RBBP4: variants seen among roughly 807,000 people sequenced by gnomAD.
The protein encoded by RBBP4 is RB binding protein 4, chromatin remodeling factor, also known as histone-binding protein RBBP4.
In RBBP4, 3 loss-of-function variants were observed where a neutral mutation model predicts 57.2. The observed-to-expected ratio is 0.05, with a 90% CI of 0.02 to 0.14. RBBP4 has a LOEUF of 0.14. RBBP4 is among the 10% of genes least tolerant of loss of function. The probability of loss-of-function intolerance (pLI) is 1.00; values close to 1 mark genes in which losing one functional copy is unlikely to be tolerated. For synonymous variants in RBBP4, 151 were observed against 171.5 expected (o/e 0.88, Z 0.93); for missense variants, 107 against 520.6 (o/e 0.21, Z 7.73).
intron 11 of RBBP4, among the ~76,000 whole-genome samples, chr1:32,676,214 A>T (rs1186027547): frequency 6.6e-6 from 1 of 152,172 alleles, no homozygotes; most frequent in Non-Finnish European, 1.5e-5. Context: ...GGGTTATAAG[A>T]TATTCATGAC....
intron 3 of RBBP4, among the ~76,000 whole-genome samples, chr1:32,662,996 A>C (rs1648490758): frequency 1.3e-5 from 2 of 152,102 alleles, no homozygotes; most frequent in Admixed American, 1.3e-4. Context: ...AAAAAACATA[A>C]AAATAAATAA....
intron 9 of RBBP4, 33 bp from the exon 10 acceptor site, chr1:32,672,609 G>A: frequency 6.2e-7 from 1 of 1,609,944 alleles, no homozygotes; most frequent in South Asian, 1.1e-5. Context: ...GGGTAAATCT[G>A]TTTTAACTTT....
Position 32,658,051 on chromosome 1 carries a change from C to T in RBBP4, c.310+479C>T, listed in dbSNP as rs422045. On this transcript the variant is annotated intron_variant, in intron 3 of 11. Transcript: ENST00000373493. ...TATTTTTAGTGGAGACAGGGTTTCA[C>T]CAAGTTGGCCAGGCTGGTCTTGAAC... 8.8e-3 allele frequency among the ~76,000 whole-genome samples: 1,341 copies of T among 152,116 alleles called. 19 individuals are homozygous for T. Among genetic ancestry groups the T allele is most frequent in the African/African-American group, 0.03 (1,259 of 41,490 alleles).
intron 2 of RBBP4, among the ~76,000 whole-genome samples, chr1:32,655,267 G>A (rs768765644): frequency 3.7e-4 from 57 of 152,050 alleles, no homozygotes; most frequent in Non-Finnish European, 6.5e-4. Flanking sequence ...ATGAGCCACC[G>A]TGCCTGGCCC....
intron 3 of RBBP4, among the ~76,000 whole-genome samples, chr1:32,658,548 T>TC (rs1318727822): frequency 2.1e-4 from 11 of 53,390 alleles, no homozygotes; most frequent in African/African-American, 6.5e-4. Flanking sequence ...TTAAACGCTT[T>TC]CCTTTTTTTT....
Position 32,669,862 on chromosome 1 carries a change from G to T in RBBP4, c.966+299G>T, listed in dbSNP as rs1288053614. Among the ~76,000 whole-genome samples the T allele has an allele frequency of 6.6e-6, 1 of 150,894 alleles. No homozygotes were observed. The highest frequency in any genetic ancestry group is 1.5e-5 in the Non-Finnish European group (1 of 67,842). ...GCCGAGATTGTGCCACTGCACTCTA[G>T]CCTGGGCGACAGAACGAGAGTCCGT... On this transcript the variant is annotated intron_variant, in intron 8 of 11. Coordinates refer to ENST00000373493, the MANE Select transcript of RBBP4 (RefSeq NM_005610.3). This position sits in a 1 kb window ranked among gnomAD's most constrained non-coding sequence, Gnocchi z 4.9.
At position 32,669,464 on chromosome 1, in the gene RBBP4, T is replaced by C. The variant is rs553474370; in HGVS notation, c.889-22T>C. 6.3e-7 allele frequency: 1 copy of C among 1,575,750 alleles called. No homozygotes were observed. The highest frequency in any genetic ancestry group is 1.4e-5 in the African/African-American group (1 of 72,576). ...TTTTTTCTTAAAAAATTGATTACTC[T>C]TGCTTTTCTTTTTGTACATAGACTG... On this transcript the variant is annotated intron_variant, in intron 7 of 11. Coordinates refer to ENST00000373493, the MANE Select transcript of RBBP4 (RefSeq NM_005610.3). This position sits in a 1 kb window ranked among gnomAD's most constrained non-coding sequence, Gnocchi z 4.9.
chr1:32,651,504 C>T, intron 1 of RBBP4, 182 bp downstream of exon 1: 1 of 1,347,012 alleles, frequency 7.4e-7, no homozygotes, highest in African/African-American at 1.5e-5. Flanking sequence ...GGACCGATTT[C>T]GGTCGCAGCT....
intron 3 of RBBP4, among the ~76,000 whole-genome samples, chr1:32,660,252 G>A (rs957876449): frequency 6.6e-6 from 1 of 152,046 alleles, no homozygotes; most frequent in Non-Finnish European, 1.5e-5. Flanking sequence ...GTTAGAAGCT[G>A]TAAGTTGCTT....
rs1441453702 is a variant in RBBP4 at position 32,668,421 on chromosome 1, ATACAAATGAGTCAC to A, written c.484+26_484+39del. On this transcript the variant is annotated intron_variant, in intron 4 of 11. Transcript: ENST00000373493. The stretch of plus-strand genomic sequence containing the variant: ...CAGGTATGTGCCCTTTTCTATTCAA[ATACAAATGAGTCAC>A]TATAGAAATACATGGTTCCACTCAC... 1.9e-6 allele frequency: 3 copies of A among 1,543,934 alleles called. No homozygotes were observed. The Admixed American group carries it at 5.3e-5, about 27-fold the overall frequency.
intron 11 of RBBP4, among the ~76,000 whole-genome samples, chr1:32,674,236 G>A (rs886677702): frequency 1.3e-5 from 2 of 152,114 alleles, no homozygotes; most frequent in East Asian, 1.9e-4. Flanking sequence ...TGGAGTTTGC[G>A]ACAATTTGGA....
chr1:32,684,737 G>T lies in RBBP4; in HGVS notation c.*5032G>T, dbSNP rs1649701993. 5.6e-6 allele frequency: 1 copy of T among 177,046 alleles called. No individual in the cohort carries two copies. The highest frequency in any genetic ancestry group is 1.2e-5 in the Non-Finnish European group (1 of 83,152). 11.0% of individuals were successfully genotyped at this position (177,046 alleles called of 1,614,324 possible). On this transcript the variant is annotated 3_prime_UTR_variant, in exon 12 of 12. Transcript: ENST00000373493. ...TCATATACCTCTCCCTCCATGTGCA[G>T]GTTTGTTAAGATAATTGGTAGTTTT...
At chr1:32,677,086 G>A (rs1649133780) in intron 11 of RBBP4, among the ~76,000 whole-genome samples, 1 of 152,168 alleles carries the variant, frequency 6.6e-6, no homozygotes, top group African/African-American at 2.4e-5. Context: ...TCTTGGCACA[G>A]AGCTCTCCAA....
At chr1:32,653,103 T>C (rs1271781820) in intron 2 of RBBP4, among the ~76,000 whole-genome samples, 1 of 152,122 alleles carries the variant, frequency 6.6e-6, no homozygotes, top group African/African-American at 2.4e-5. Context: ...GTAGAGGGGA[T>C]AAAATAGCTT....
At chr1:32,657,975 C>T (rs1648217326) in intron 3 of RBBP4, among the ~76,000 whole-genome samples, 1 of 152,136 alleles carries the variant, frequency 6.6e-6, no homozygotes, top group Non-Finnish European at 1.5e-5. Context: ...GCCTCATCCT[C>T]CTGAGTAGCT....
intron 1 of RBBP4, 152 bp from the exon 2 acceptor site, chr1:32,651,762 G>C (rs1445717149): frequency 3.1e-6 from 3 of 978,348 alleles, no homozygotes; most frequent in South Asian, 1.7e-5. Flanking sequence ...TCGGCGCCGC[G>C]AAAGTGGAGA....
chr1:32,677,610 G>A (rs1649161177), intron 11 of RBBP4, among the ~76,000 whole-genome samples: 1 of 152,178 alleles, frequency 6.6e-6, no homozygotes, highest in Non-Finnish European at 1.5e-5. Flanking sequence ...AAGTGGGATA[G>A]AAGTGTGCAG....
intron 8 of RBBP4, among the ~76,000 whole-genome samples, chr1:32,671,497 C>G (rs533342050): frequency 6.6e-6 from 1 of 152,016 alleles, no homozygotes; most frequent in African/African-American, 2.4e-5. Flanking sequence ...GCAGGAGAAT[C>G]GCTTGAACAT....
chr1:32,676,075 C>T (rs879144156), intron 11 of RBBP4, among the ~76,000 whole-genome samples: 3 of 151,862 alleles, frequency 2.0e-5, no homozygotes, highest in African/African-American at 4.8e-5. Context: ...TTTGGGAGGC[C>T]GTGACAGAAG....
Sources: gnomAD v4.1 joint callset for allele counts (sites outside exome capture counted in the v4.1 genomes callset) on GRCh38, gnomAD v4.1.1 for gene constraint, Gnocchi (gnomAD v3.1) non-coding constraint, MANE v1.5 for transcripts, NCBI Gene and HGNC (gene_info 2026-07-23, HGNC 2026-07-21) for gene names.